Variants in SMARCB1 observed in about 807,000 individuals in gnomAD.
SMARCB1 encodes the protein SWI/SNF-related matrix-associated actin-dependent regulator of chromatin subfamily B member 1.
SMARCB1 carries 5 observed loss-of-function variants against 49.0 expected under a neutral mutation model. That is an observed-to-expected ratio of 0.10 (90% confidence interval 0.05 to 0.21). The LOEUF (loss-of-function observed/expected upper bound fraction) is 0.21. SMARCB1 is among the 10% of genes least tolerant of loss of function. The pLI, the probability that SMARCB1 is intolerant of heterozygous loss-of-function variation, is 1.00. For missense variants in SMARCB1, 226 were observed against 509.2 expected, an observed-to-expected ratio of 0.44 and a Z score of 5.35; for synonymous variants, 201 against 200.1, an observed-to-expected ratio of 1.00 and a Z score of -0.04.
chr22:23,837,295 G>T lies in SMARCB1; in HGVS notation c.*3115G>T. ...AGTGCCCCAAAGCCTTGCACAGAGTGCCAGCCCCGGGTTGGCCGTGAAGGA... is the reference window on the plus strand; with the variant it reads ...AGTGCCCCAAAGCCTTGCACAGAGTTCCAGCCCCGGGTTGGCCGTGAAGGA... On this transcript the variant is annotated 3_prime_UTR_variant, in exon 9 of 9. Transcript: ENST00000644036. 5 of 1,127,480 alleles carry T rather than the reference G, an allele frequency of 4.4e-6. No individual in the cohort carries two copies. Among genetic ancestry groups the T allele is most frequent in the Non-Finnish European group, 5.1e-6 (4 of 787,336 alleles). 69.8% of individuals were successfully genotyped at this position (1,127,480 alleles called of 1,614,324 possible).
Position 23,837,926 on chromosome 22 carries a change from C to T in SMARCB1, c.*3746C>T. The T allele has an allele frequency of 6.9e-7, 1 of 1,449,166 alleles. No homozygotes were observed. The highest frequency in any genetic ancestry group is 9.3e-7 in the Non-Finnish European group (1 of 1,079,488). The allele number at this position is 1,449,166 out of a possible 1,614,324, so 89.8% of individuals were successfully genotyped here. A position where few individuals can be genotyped will look rare whatever the true frequency, so the allele number is the denominator to read the frequency against. ...AGGGCCCCTCTGACTTCCCAAGACC[C>T]TGGAATTCTTCCCCTCATCTCCCCT... On this transcript the variant is annotated 3_prime_UTR_variant, in exon 9 of 9. Coordinates refer to ENST00000644036, the MANE Select transcript of SMARCB1 (RefSeq NM_003073.5).
Position 23,791,420 on chromosome 22 carries a change from A to G in SMARCB1, c.94-336A>G, listed in dbSNP as rs117464156. ...TTGTCCTTAAGATAAAAGAAGGTCA[A>G]GGAGGCCTTGCATTTCTGGAAAGTG... On this transcript the variant is annotated intron_variant, in intron 1 of 8. Transcript: ENST00000644036. Among the ~76,000 whole-genome samples the G allele has an allele frequency of 3.1e-3, 469 of 152,378 alleles. 3 individuals carry two copies. Among genetic ancestry groups the G allele is most frequent in the South Asian group, 0.022 (107 of 4,832 alleles).
intron 2 of SMARCB1, chr22:23,793,263 G>A (rs2145962954): frequency 2.1e-6 from 1 of 470,640 alleles, no homozygotes. Flanking sequence ...CGCTGGTCGT[G>A]CTGTATTGTA....
intron 7 of SMARCB1, among the ~76,000 whole-genome samples, chr22:23,828,272 G>A (rs1214251278): frequency 6.6e-6 from 1 of 151,872 alleles, no homozygotes; most frequent in Non-Finnish European, 1.5e-5. Flanking sequence ...AGGATGGTCT[G>A]GATCTCCTGA....
rs773617664 is a variant in SMARCB1 at position 23,825,424 on chromosome 22, A to C, written c.986+9A>C. ...AAGACCTACGCCTTCAGGTAGGATC[A>C]TGCATGAGTCTCTCCCTCCCTCATC... On this transcript the variant is annotated intron_variant, in intron 7 of 8. Transcript: ENST00000644036. 2.5e-6 allele frequency: 4 copies of C among 1,611,514 alleles called. No individual in the cohort carries two copies. The highest frequency in any genetic ancestry group is 3.4e-6 in the Non-Finnish European group (4 of 1,177,648).
chr22:23,788,606 A>T (rs1332709971), intron 1 of SMARCB1, among the ~76,000 whole-genome samples: 1 of 151,860 alleles, frequency 6.6e-6, no homozygotes, highest in Non-Finnish European at 1.5e-5. Context: ...GGGTTTTGCC[A>T]TGTTGCCCAG....
Position 23,834,670 on chromosome 22 carries a change from G to A in SMARCB1, c.*490G>A. 1.8e-6 allele frequency: 2 copies of A among 1,083,590 alleles called. No individual in the cohort carries two copies. The highest frequency in any genetic ancestry group is 2.6e-6 in the Non-Finnish European group (2 of 762,540). The allele number at this position is 1,083,590 out of a possible 1,614,324, so 67.1% of individuals were successfully genotyped here. A position where few individuals can be genotyped will look rare whatever the true frequency, so the allele number is the denominator to read the frequency against. On this transcript the variant is annotated 3_prime_UTR_variant, in exon 9 of 9. Transcript: ENST00000644036. ...CAGATTCCCAAGTGGGCAGGTGGGG[G>A]TGAATGGGGCTCCGGGTAGCACCTC... is the stretch of plus-strand genomic sequence containing the variant.
rs544981036 is a variant in SMARCB1 at position 23,799,225 on chromosome 22, A to G, written c.363-1719A>G. ...AAGCACAGAGCACAACGGGCACCCA[A>G]ATGCTCTCATCTGTTTCACCCAGCC... On this transcript the variant is annotated intron_variant, in intron 3 of 8. Coordinates refer to ENST00000644036, the MANE Select transcript of SMARCB1 (RefSeq NM_003073.5). Among the ~76,000 whole-genome samples, 7 of 152,104 alleles carry G rather than the reference A, an allele frequency of 4.6e-5. No individual in the cohort carries two copies. In the South Asian group the frequency reaches 1.5e-3, roughly 32 times the overall value.
intron 6 of SMARCB1, 151 bp downstream of exon 6, chr22:23,817,087 C>A (rs1930240100): frequency 2.9e-6 from 2 of 678,768 alleles, no homozygotes; most frequent in Admixed American, 2.2e-5. Context: ...TTGCTCCCTG[C>A]AATCCCCCAG....
intron 1 of SMARCB1, among the ~76,000 whole-genome samples, chr22:23,788,617 G>A (rs1928167957): frequency 6.6e-6 from 1 of 151,878 alleles, no homozygotes; most frequent in African/African-American, 2.4e-5. Flanking sequence ...TGTTGCCCAG[G>A]CTGGTCTTGA....
At chr22:23,800,051 T>A (rs1172894058) in intron 3 of SMARCB1, among the ~76,000 whole-genome samples, 1 of 151,734 alleles carries the variant, frequency 6.6e-6, no homozygotes, top group Non-Finnish European at 1.5e-5. Flanking sequence ...CTGGTCTTGA[T>A]CTCCTGACCT....
rs776570478 is a variant in SMARCB1 at position 23,834,924 on chromosome 22, T to A, written c.*744T>A. ...ACTGCCAGCTGGGGCCTTGCTGCTC[T>A]GAAGTCCCCTGCGGAGGGCCCAGTC... On this transcript the variant is annotated 3_prime_UTR_variant, in exon 9 of 9. Coordinates refer to ENST00000644036, the MANE Select transcript of SMARCB1 (RefSeq NM_003073.5). 15 of 1,609,144 alleles carry A rather than the reference T, an allele frequency of 9.3e-6. No homozygotes were observed. The South Asian group carries it at 1.7e-4, about 18-fold the overall frequency.
intron 5 of SMARCB1, among the ~76,000 whole-genome samples, chr22:23,811,581 A>G (rs535466387): frequency 1.8e-4 from 28 of 152,376 alleles, no homozygotes; most frequent in African/African-American, 6.7e-4. Flanking sequence ...AAGCTAAATA[A>G]CAGACTTCTA....
chr22:23,789,493 G>GGA (rs1928238044), intron 1 of SMARCB1, among the ~76,000 whole-genome samples: 2 of 152,208 alleles, frequency 1.3e-5, no homozygotes, highest in African/African-American at 4.8e-5. Flanking sequence ...AAGAACCTTG[G>GGA]GAGGCCTGGT....
At chr22:23,828,019 C>T (rs1275822540) in intron 7 of SMARCB1, among the ~76,000 whole-genome samples, 2 of 152,210 alleles carry the variant, frequency 1.3e-5, no homozygotes, top group African/African-American at 4.8e-5. Flanking sequence ...CTGGTCTCTG[C>T]CACACAGAAA....
chr22:23,796,389 G>A (rs554168371), intron 3 of SMARCB1, among the ~76,000 whole-genome samples: 2 of 122,516 alleles, frequency 1.6e-5, no homozygotes, highest in South Asian at 2.6e-4. Context: ...GACCCGAGAC[G>A]GGTCCTGTGG....
intron 5 of SMARCB1, among the ~76,000 whole-genome samples, chr22:23,813,989 C>G (rs1488240527): frequency 1.3e-5 from 2 of 152,014 alleles, no homozygotes; most frequent in South Asian, 2.1e-4. Flanking sequence ...GCCACCATGC[C>G]TGGCTAATTT....
At chr22:23,802,332 GC>G (rs1186978551) in intron 4 of SMARCB1, 1 of 152,896 alleles carries the variant, frequency 6.5e-6, no homozygotes, top group Non-Finnish European at 1.5e-5. Context: ...CTCCTGCCCT[GC>G]AGTTGCCTCT....
chr22:23,819,256 CT>C (rs1296250250), intron 6 of SMARCB1, among the ~76,000 whole-genome samples: 1 of 152,184 alleles, frequency 6.6e-6, no homozygotes, highest in Non-Finnish European at 1.5e-5. Flanking sequence ...CACATTTTGG[CT>C]ATTGTGAATA....
Sources: gnomAD v4.1 joint callset for allele counts (sites outside exome capture counted in the v4.1 genomes callset) on GRCh38, gnomAD v4.1.1 for gene constraint, MANE v1.5 for transcripts, NCBI Gene and HGNC (gene_info 2026-07-23, HGNC 2026-07-21) for gene names.